EPB41L4A: variants seen among roughly 807,000 people sequenced by gnomAD.
EPB41L4A encodes the protein erythrocyte membrane protein band 4.1 like 4A, also known as band 4.1-like protein 4A.
A neutral mutation model predicts 108.6 loss-of-function variants in EPB41L4A; 100 were observed. That is an observed-to-expected ratio of 0.92 (90% confidence interval 0.78 to 1.09). The LOEUF (loss-of-function observed/expected upper bound fraction) is 1.09. Among genes scored for constraint, EPB41L4A ranks in the 50% least tolerant of loss-of-function variants. The pLI is 0.00. For synonymous variants in EPB41L4A, 319 were observed against 289.0 expected (o/e 1.10, Z -1.05); for missense variants, 1,030 against 842.7 (o/e 1.22, Z -2.75).
chr5:112,395,645 G>T (rs1580824574), intron 1 of EPB41L4A, among the ~76,000 whole-genome samples: 1 of 152,168 alleles, frequency 6.6e-6, no homozygotes, highest in South Asian at 2.1e-4. Flanking sequence ...TACACTGTTG[G>T]TGGGGAATGT....
intron 1 of EPB41L4A, among the ~76,000 whole-genome samples, chr5:112,336,195 C>A (rs2150680951): frequency 6.6e-6 from 1 of 152,270 alleles, no homozygotes. Flanking sequence ...GGAGCAGTGG[C>A]AAATCCAGAA....
intron 1 of EPB41L4A, among the ~76,000 whole-genome samples, chr5:112,415,370 C>T (rs1762652992): frequency 6.6e-6 from 1 of 152,074 alleles, no homozygotes; most frequent in African/African-American, 2.4e-5. Flanking sequence ...ATCTTACTGC[C>T]ATATTGGTTT....
chr5:112,327,920 C>T (rs1311137629), intron 1 of EPB41L4A, among the ~76,000 whole-genome samples: 1 of 152,160 alleles, frequency 6.6e-6, no homozygotes, highest in African/African-American at 2.4e-5. Context: ...TCACTACATG[C>T]TGCCTCCACT....
chr5:112,372,482 T>C (rs1465892980), intron 1 of EPB41L4A, among the ~76,000 whole-genome samples: 1 of 152,158 alleles, frequency 6.6e-6, no homozygotes, highest in Non-Finnish European at 1.5e-5. Context: ...GAAGGCTCTG[T>C]CTGAGAAGAT....
chr5:112,174,435 A>G (rs1489700093), intron 18 of EPB41L4A, among the ~76,000 whole-genome samples: 2 of 152,204 alleles, frequency 1.3e-5, no homozygotes, highest in African/African-American at 4.8e-5. Flanking sequence ...CATAGGTACG[A>G]CATATATAGA....
At chr5:112,244,249 C>T (rs1750031707) in intron 9 of EPB41L4A, among the ~76,000 whole-genome samples, 1 of 152,200 alleles carries the variant, frequency 6.6e-6, no homozygotes, top group South Asian at 2.1e-4. Flanking sequence ...AGTCAGAACA[C>T]ATGCATCATT....
At chr5:112,220,401 A>G (rs1349124050) in intron 12 of EPB41L4A, among the ~76,000 whole-genome samples, 1 of 152,174 alleles carries the variant, frequency 6.6e-6, no homozygotes, top group African/African-American at 2.4e-5. Flanking sequence ...ACCAACCCCA[A>G]GAGGTTCAAA....
At chr5:112,313,908 G>T (rs944407938) in intron 1 of EPB41L4A, among the ~76,000 whole-genome samples, 19 of 126,658 alleles carry the variant, frequency 1.5e-4, no homozygotes, top group Admixed American at 1.0e-3. Context: ...GTGTCCCCTA[G>T]GCTGGAGTGC....
At chr5:112,230,827 G>A (rs1008285482) in intron 12 of EPB41L4A, among the ~76,000 whole-genome samples, 5 of 152,142 alleles carry the variant, frequency 3.3e-5, no homozygotes, top group Non-Finnish European at 5.9e-5. Flanking sequence ...GAGTTTTACC[G>A]ATGTTATCTT....
At chr5:112,414,497 G>T (rs576140295) in intron 1 of EPB41L4A, among the ~76,000 whole-genome samples, 2 of 152,266 alleles carry the variant, frequency 1.3e-5, no homozygotes, top group Non-Finnish European at 2.9e-5. Context: ...GGCAGGGAAT[G>T]CTGCTAAGTA....
At chr5:112,229,210 G>T (rs910804628) in intron 12 of EPB41L4A, among the ~76,000 whole-genome samples, 2 of 151,576 alleles carry the variant, frequency 1.3e-5, no homozygotes, top group African/African-American at 4.8e-5. Flanking sequence ...AATGTTTTGT[G>T]TTTTTTTTGA....
At chr5:112,340,732 T>G (rs1452189037) in intron 1 of EPB41L4A, among the ~76,000 whole-genome samples, 1 of 152,176 alleles carries the variant, frequency 6.6e-6, no homozygotes, top group African/African-American at 2.4e-5. Flanking sequence ...TTCGGTGATA[T>G]GAATTTTGTT....
chr5:112,249,948 T>C (rs1178155185), intron 9 of EPB41L4A, among the ~76,000 whole-genome samples: 3 of 152,180 alleles, frequency 2.0e-5, no homozygotes, highest in Non-Finnish European at 2.9e-5. Flanking sequence ...CAGGGAAGTG[T>C]ATGGTAAGCA....
chr5:112,188,494 G>T (rs1761532368), intron 17 of EPB41L4A, among the ~76,000 whole-genome samples: 1 of 152,078 alleles, frequency 6.6e-6, no homozygotes, highest in East Asian at 1.9e-4. Context: ...ACTCAGTAAT[G>T]TAACAGCATT....
At chr5:112,323,748 T>C (rs1755960682) in intron 1 of EPB41L4A, among the ~76,000 whole-genome samples, 1 of 152,196 alleles carries the variant, frequency 6.6e-6, no homozygotes, top group South Asian at 2.1e-4. Context: ...AAACTGGGTT[T>C]TGCTTTATTT....
At chr5:112,270,948 G>T (rs1752223737) in intron 4 of EPB41L4A, among the ~76,000 whole-genome samples, 1 of 152,184 alleles carries the variant, frequency 6.6e-6, no homozygotes, top group Non-Finnish European at 1.5e-5. Context: ...TTTTCTACTT[G>T]TAGAAAGAGT....
intron 1 of EPB41L4A, among the ~76,000 whole-genome samples, chr5:112,328,702 A>T (rs893070171): frequency 6.6e-6 from 1 of 152,190 alleles, no homozygotes; most frequent in Non-Finnish European, 1.5e-5. Flanking sequence ...TTTAACGTTG[A>T]CACTTTTATT....
At chr5:112,267,126 T>C (rs1311020032) in intron 4 of EPB41L4A, among the ~76,000 whole-genome samples, 2 of 152,194 alleles carry the variant, frequency 1.3e-5, no homozygotes, top group Non-Finnish European at 2.9e-5. Flanking sequence ...TATTCAGCTA[T>C]TCTGCTAGTG....
chr5:112,262,387 C>G (rs1173493186), intron 7 of EPB41L4A, 107 bp downstream of exon 7: 3 of 865,356 alleles, frequency 3.5e-6, no homozygotes, highest in East Asian at 2.5e-5. Context: ...AAAGTATCAT[C>G]TGCTTGCTAA....
Sources: gnomAD v4.1 joint callset for allele counts (sites outside exome capture counted in the v4.1 genomes callset) on GRCh38, gnomAD v4.1.1 for gene constraint, MANE v1.5 for transcripts, NCBI Gene and HGNC (gene_info 2026-07-23, HGNC 2026-07-21) for gene names.